Variants in RAB38 observed in about 807,000 individuals in gnomAD.
The protein encoded by RAB38 is RAB38, member RAS oncogene family.
A neutral mutation model predicts 18.4 loss-of-function variants in RAB38; 15 were observed. The ratio of observed to expected loss-of-function variants is 0.82; its 90% confidence interval spans 0.55 to 1.26. The LOEUF is 1.26. Ranked by LOEUF, RAB38 falls within the 50% of genes most tolerant of loss-of-function variation. RAB38 has a pLI of 0.00. For missense variants in RAB38, 294 were observed against 267.4 expected, an observed-to-expected ratio of 1.10 and a Z score of -0.69; for synonymous variants, 101 against 104.4, an observed-to-expected ratio of 0.97 and a Z score of 0.20.
At chr11:88,155,134 C>T (rs1943109950) in intron 1 of RAB38, among the ~76,000 whole-genome samples, 1 of 152,234 alleles carries the variant, frequency 6.6e-6, no homozygotes, top group Admixed American at 6.5e-5. Context: ...CCCCCAGATT[C>T]TCCCTCAGCA....
the RAB38 span, among the ~76,000 whole-genome samples, chr11:87,952,536 T>C: frequency 6.6e-6 from 1 of 152,178 alleles, no homozygotes; most frequent in African/African-American, 2.4e-5. Context: ...CACCCTGCAT[T>C]GGGCAGGGCA....
At chr11:87,922,157 C>T in the RAB38 span, among the ~76,000 whole-genome samples, 1 of 151,912 alleles carries the variant, frequency 6.6e-6, no homozygotes, top group East Asian at 1.9e-4. Context: ...CACTTCCATC[C>T]CAAGATGCTT....
At chr11:87,975,455 G>C in the RAB38 span, among the ~76,000 whole-genome samples, 1 of 151,862 alleles carries the variant, frequency 6.6e-6, no homozygotes, top group African/African-American at 2.4e-5. Context: ...TCTTCAGATA[G>C]AATGAAAATA....
At chr11:88,006,302 G>T in the RAB38 span, among the ~76,000 whole-genome samples, 1 of 151,414 alleles carries the variant, frequency 6.6e-6, no homozygotes, top group Non-Finnish European at 1.5e-5. Context: ...TGGTGAAAAG[G>T]GAATCCTTAC....
chr11:87,822,466 A>G, the RAB38 span, among the ~76,000 whole-genome samples: 1 of 152,204 alleles, frequency 6.6e-6, no homozygotes, highest in Non-Finnish European at 1.5e-5. Context: ...CAAGACTTCA[A>G]ACCATGTGTT....
chr11:87,885,992 C>T, the RAB38 span, among the ~76,000 whole-genome samples: 1 of 151,974 alleles, frequency 6.6e-6, no homozygotes, highest in African/African-American at 2.4e-5. Flanking sequence ...GCAGGGCTTG[C>T]ATGTCTGCTA....
At chr11:88,031,293 G>A in the RAB38 span, among the ~76,000 whole-genome samples, 1 of 150,948 alleles carries the variant, frequency 6.6e-6, no homozygotes, top group Admixed American at 6.6e-5. Context: ...GCAAAAACTG[G>A]AAGCATTCCC....
the RAB38 span, among the ~76,000 whole-genome samples, chr11:88,028,003 C>T: frequency 2.6e-5 from 4 of 152,202 alleles, no homozygotes; most frequent in Non-Finnish European, 5.9e-5. Flanking sequence ...TGACACCTCA[C>T]TCGGCCTGGT....
chr11:88,074,798 G>A, the RAB38 span, among the ~76,000 whole-genome samples: 2 of 152,086 alleles, frequency 1.3e-5, no homozygotes, highest in African/African-American at 2.4e-5. Context: ...ATTATAAGCT[G>A]CCTACAAGAA....
the RAB38 span, among the ~76,000 whole-genome samples, chr11:87,878,973 T>TTTG: frequency 1.2e-5 from 1 of 84,026 alleles, no homozygotes. Flanking sequence ...AATTACTGAT[T>TTTG]TTTTTTTTTT....
chr11:87,956,857 C>T, the RAB38 span, among the ~76,000 whole-genome samples: 1 of 152,068 alleles, frequency 6.6e-6, no homozygotes, highest in East Asian at 1.9e-4. Context: ...CCTTTCAGGG[C>T]CTTTCTGGGT....
the RAB38 span, among the ~76,000 whole-genome samples, chr11:87,929,760 T>C: frequency 7.9e-6 from 1 of 127,172 alleles, no homozygotes; most frequent in East Asian, 2.6e-4. Context: ...TTCCCCTTCC[T>C]GTGTCCATGT....
At chr11:87,874,022 C>A in the RAB38 span, among the ~76,000 whole-genome samples, 1 of 145,418 alleles carries the variant, frequency 6.9e-6, no homozygotes, top group East Asian at 2.0e-4. Flanking sequence ...TTTTTATTTT[C>A]TTTGTGTTAC....
chr11:88,031,889 C>G, the RAB38 span, among the ~76,000 whole-genome samples: 1 of 152,050 alleles, frequency 6.6e-6, no homozygotes, highest in Admixed American at 6.6e-5. Context: ...CTTTGAAGTT[C>G]ATATGGAAGC....
At chr11:88,094,292 C>G in the RAB38 span, among the ~76,000 whole-genome samples, 1 of 151,916 alleles carries the variant, frequency 6.6e-6, no homozygotes, top group African/African-American at 2.4e-5. Flanking sequence ...ACATGGCTTG[C>G]CATCACTCTC....
the RAB38 span, among the ~76,000 whole-genome samples, chr11:88,072,863 G>T: frequency 6.6e-6 from 1 of 151,964 alleles, no homozygotes; most frequent in South Asian, 2.1e-4. Flanking sequence ...TGGCTTCACT[G>T]CCTCCCCACT....
At chr11:88,049,509 C>T in the RAB38 span, among the ~76,000 whole-genome samples, 1 of 151,830 alleles carries the variant, frequency 6.6e-6, no homozygotes, top group Non-Finnish European at 1.5e-5. Flanking sequence ...TATAAAACGG[C>T]CCCACCCCTG....
At chr11:87,805,128 A>G in the RAB38 span, among the ~76,000 whole-genome samples, 1 of 152,188 alleles carries the variant, frequency 6.6e-6, no homozygotes. Flanking sequence ...CTTTCTGCCT[A>G]AATGGTGTTA....
the RAB38 span, among the ~76,000 whole-genome samples, chr11:88,022,456 T>C: frequency 3.0e-4 from 45 of 151,946 alleles, 1 homozygote; most frequent in African/African-American, 1.1e-3. Context: ...GATGCCCACT[T>C]TCACCACTGT....
Sources: gnomAD v4.1 joint callset for allele counts (sites outside exome capture counted in the v4.1 genomes callset) on GRCh38, gnomAD v4.1.1 for gene constraint, MANE v1.5 for transcripts, NCBI Gene and HGNC (gene_info 2026-07-23, HGNC 2026-07-21) for gene names.